Variants in AGBL4 observed in about 807,000 individuals in gnomAD.
AGBL4 encodes AGBL carboxypeptidase 4.
A neutral mutation model predicts 66.4 loss-of-function variants in AGBL4; 58 were observed. That is an observed-to-expected ratio of 0.87 (90% CI 0.71 to 1.09). AGBL4 has a LOEUF of 1.09. AGBL4 is among the 50% of genes least tolerant of loss of function. The pLI, the probability that AGBL4 is intolerant of heterozygous loss-of-function variation, is 0.00. For missense variants in AGBL4, 579 were observed against 631.0 expected, an observed-to-expected ratio of 0.92 and a Z score of 0.88; for synonymous variants, 234 against 222.9, an observed-to-expected ratio of 1.05 and a Z score of -0.44.
intron 3 of AGBL4, among the ~76,000 whole-genome samples, chr1:49,400,558 A>G (rs1009354084): frequency 6.6e-6 from 1 of 152,064 alleles, no homozygotes; most frequent in Non-Finnish European, 1.5e-5. Flanking sequence ...AATTTCTTTC[A>G]TCAGTGTTTT....
chr1:49,756,754 T>G (rs994988483), intron 2 of AGBL4, among the ~76,000 whole-genome samples: 4 of 152,192 alleles, frequency 2.6e-5, no homozygotes, highest in Non-Finnish European at 4.4e-5. Context: ...CACTTCTCCT[T>G]CTTGCCATCA....
chr1:48,587,129 C>G lies in AGBL4; in HGVS notation c.1142G>C (p.Gly381Ala), dbSNP rs763263272. The G allele has an allele frequency of 6.4e-7, 1 of 1,563,588 alleles. No homozygotes were observed. Reference sequence around the variant, plus strand: ...TCCACCGAGGAAGCGACGGCCAGTTCCTGCTTTCACAGCGTCCCGGTTAAA... The same window carrying G: ...TCCACCGAGGAAGCGACGGCCAGTTGCTGCTTTCACAGCGTCCCGGTTAAA... ...TSFNRDAVKA[G>A]TGRRFLGGLL... The change falls in exon 11 of 14, where the codon GGA (glycine) becomes GCA (alanine). Residue 381 changes from glycine (G) to alanine (A), a missense_variant. Physicochemically the swap from Gly to Ala is moderately conservative, Grantham distance 60. Coordinates refer to ENST00000371839, the MANE Select transcript of AGBL4 (RefSeq NM_032785.4).
chr1:49,916,912 A>G (rs1218571245), intron 1 of AGBL4, among the ~76,000 whole-genome samples: 1 of 152,236 alleles, frequency 6.6e-6, no homozygotes, highest in East Asian at 1.9e-4. Context: ...AAGCCAGAAG[A>G]GAGTGGGGGC....
chr1:49,410,400 C>A (rs1645292738), intron 3 of AGBL4, among the ~76,000 whole-genome samples: 1 of 152,104 alleles, frequency 6.6e-6, no homozygotes, highest in African/African-American at 2.4e-5. Flanking sequence ...TTCTGGAATC[C>A]CTCTAACCTA....
chr1:49,429,850 ATTT>A (rs1186333971), intron 3 of AGBL4, among the ~76,000 whole-genome samples: 2 of 139,642 alleles, frequency 1.4e-5, no homozygotes, highest in Admixed American at 7.3e-5. Context: ...CTTTGAATAT[ATTT>A]TTTTTTTTTT....
chr1:49,358,586 TTTACTAACA>T (rs548405589), intron 3 of AGBL4, among the ~76,000 whole-genome samples: 1 of 152,268 alleles, frequency 6.6e-6, no homozygotes, highest in South Asian at 2.1e-4. Flanking sequence ...CTTGAACACT[TTTACTAACA>T]AGAAATCATT....
At chr1:49,145,222 T>C (rs1489316828) in intron 4 of AGBL4, among the ~76,000 whole-genome samples, 1 of 152,152 alleles carries the variant, frequency 6.6e-6, no homozygotes, top group Non-Finnish European at 1.5e-5. Flanking sequence ...TTGTCTAATC[T>C]CACATCATTC....
intron 4 of AGBL4, among the ~76,000 whole-genome samples, chr1:49,116,066 T>A (rs370303094): frequency 6.6e-6 from 1 of 152,216 alleles, no homozygotes; most frequent in East Asian, 1.9e-4. Flanking sequence ...TTTATTTGTA[T>A]GTCTTTGAAA....
chr1:48,685,012 G>A (rs867523365), intron 6 of AGBL4, among the ~76,000 whole-genome samples: 2 of 152,196 alleles, frequency 1.3e-5, no homozygotes, highest in Admixed American at 1.3e-4. Flanking sequence ...GGCAGGGCAG[G>A]TGAGTAAAGG....
intron 1 of AGBL4, among the ~76,000 whole-genome samples, chr1:49,920,871 A>G (rs552449322): frequency 6.6e-6 from 1 of 152,380 alleles, no homozygotes; most frequent in East Asian, 1.9e-4. Context: ...CTGGATTAAG[A>G]AAATGTGGCA....
chr1:48,549,395 C>A (rs1430623377), intron 11 of AGBL4, among the ~76,000 whole-genome samples: 1 of 152,154 alleles, frequency 6.6e-6, no homozygotes, highest in Non-Finnish European at 1.5e-5. Context: ...ATTGCAGAGT[C>A]CTTTCCCATT....
chr1:48,687,438 G>A (rs954578297), intron 6 of AGBL4, among the ~76,000 whole-genome samples: 1 of 152,180 alleles, frequency 6.6e-6, no homozygotes, highest in African/African-American at 2.4e-5. Flanking sequence ...TCTGTGCTGC[G>A]GCACCCCCAC....
At chr1:49,874,931 T>C (rs1448398786) in intron 1 of AGBL4, among the ~76,000 whole-genome samples, 34 of 131,140 alleles carry the variant, frequency 2.6e-4, no homozygotes, top group Middle Eastern at 0.01. Flanking sequence ...CCCACTAACT[T>C]GTCATCTAGC....
chr1:49,599,301 G>A (rs1644909371), intron 3 of AGBL4, among the ~76,000 whole-genome samples: 1 of 152,124 alleles, frequency 6.6e-6, no homozygotes, highest in Non-Finnish European at 1.5e-5. Context: ...GGTCTATTCA[G>A]GGATTCTACT....
At chr1:48,682,492 T>G (rs1437884940) in intron 6 of AGBL4, among the ~76,000 whole-genome samples, 1 of 150,862 alleles carries the variant, frequency 6.6e-6, no homozygotes, top group Admixed American at 6.6e-5. Flanking sequence ...CACTGCAGCC[T>G]CAACCTCCTG....
intron 3 of AGBL4, among the ~76,000 whole-genome samples, chr1:49,317,844 T>A (rs906278868): frequency 3.9e-5 from 6 of 152,056 alleles, no homozygotes; most frequent in African/African-American, 1.4e-4. Flanking sequence ...ATATTATAAT[T>A]ACTGTATATG....
intron 3 of AGBL4, among the ~76,000 whole-genome samples, chr1:49,385,587 GA>G (rs1314042390): frequency 2.6e-5 from 4 of 151,882 alleles, no homozygotes; most frequent in African/African-American, 9.7e-5. Context: ...CAATATTAAA[GA>G]AGGTTGTATA....
intron 6 of AGBL4, among the ~76,000 whole-genome samples, chr1:48,682,785 C>T (rs1213034609): frequency 6.6e-6 from 1 of 152,124 alleles, no homozygotes; most frequent in South Asian, 2.1e-4. Flanking sequence ...CCTGTTTAAT[C>T]GTGTCAAGTT....
chr1:49,234,912 G>C (rs1446462430), intron 4 of AGBL4, among the ~76,000 whole-genome samples: 1 of 152,152 alleles, frequency 6.6e-6, no homozygotes, highest in East Asian at 1.9e-4. Context: ...ACCGTTTTCT[G>C]AGCCCTGGTT....
Sources: gnomAD v4.1 joint callset for allele counts (sites outside exome capture counted in the v4.1 genomes callset) on GRCh38, gnomAD v4.1.1 for gene constraint, MANE v1.5 for transcripts, NCBI Gene and HGNC (gene_info 2026-07-23, HGNC 2026-07-21) for gene names.